UQCRC2: variants seen among roughly 807,000 people sequenced by gnomAD.
UQCRC2 encodes ubiquinol-cytochrome c reductase core protein 2, also known as cytochrome b-c1 complex subunit 2, mitochondrial.
A neutral mutation model predicts 55.6 loss-of-function variants in UQCRC2; 49 were observed. That is an observed-to-expected ratio of 0.88 (90% CI 0.70 to 1.12). The LOEUF (loss-of-function observed/expected upper bound fraction) is 1.12, where lower values mean the gene tolerates loss of function less well. Among genes scored for constraint, UQCRC2 ranks in the 50% most tolerant of loss-of-function variants. UQCRC2 has a pLI of 0.00. For missense variants in UQCRC2, 506 were observed against 547.8 expected, an observed-to-expected ratio of 0.92 and a Z score of 0.76; for synonymous variants, 193 against 192.0, an observed-to-expected ratio of 1.01 and a Z score of -0.04.
intron 11 of UQCRC2, among the ~76,000 whole-genome samples, 168 bp from the exon 12 acceptor site, chr16:21,975,999 T>C (rs991316234): frequency 1.3e-5 from 2 of 152,138 alleles, no homozygotes; most frequent in East Asian, 1.9e-4. Context: ...TTTATGAACA[T>C]AGGAAGAATA....
chr16:21,971,871 C>T lies in UQCRC2; in HGVS notation c.767-52C>T, dbSNP rs947927668. 4.4e-6 allele frequency: 7 copies of T among 1,606,442 alleles called. No homozygotes were observed. In the East Asian group the frequency reaches 1.6e-4, roughly 36 times the overall value. On this transcript the variant is annotated intron_variant, in intron 9 of 13. Coordinates refer to ENST00000268379, the MANE Select transcript of UQCRC2 (RefSeq NM_003366.4). ...TGTAGGAAATACTGGAGAATGAAAC[C>T]AATGGTGAACAAGCCATTTTCTTCT...
At chr16:21,964,257 A>G (rs1898272134) in intron 6 of UQCRC2, among the ~76,000 whole-genome samples, 1 of 152,188 alleles carries the variant, frequency 6.6e-6, no homozygotes, top group Non-Finnish European at 1.5e-5. Context: ...ATGTGTCCAG[A>G]GTGGCTTCTT....
At position 21,983,139 on chromosome 16, in the gene UQCRC2, T is replaced by A. The variant is rs1181042683; in HGVS notation, c.1330T>A (p.Leu444Met). 2 of 1,614,086 alleles carry A rather than the reference T, an allele frequency of 1.2e-6. No homozygotes were observed. Among genetic ancestry groups the A allele is most frequent in the Non-Finnish European group, 1.7e-6 (2 of 1,180,012 alleles). The change falls in exon 14 of 14, where the codon TTG (leucine) becomes ATG (methionine). Residue 444 changes from leucine (L) to methionine (M), a missense_variant. Coordinates refer to ENST00000268379, the MANE Select transcript of UQCRC2 (RefSeq NM_003366.4). ...GQKSMAASGN[L>M]GHTPFVDEL is the part of the protein sequence containing the mutation. ...GAAGTCAATGGCAGCAAGTGGAAAT[T>A]TGGGACATACACCTTTTGTTGATGA...
intron 3 of UQCRC2, 110 bp downstream of exon 3, chr16:21,957,676 A>G: frequency 6.9e-7 from 1 of 1,450,408 alleles, no homozygotes; most frequent in Non-Finnish European, 9.3e-7. Context: ...GACCTGCCAT[A>G]ACAAATTACC....
chr16:21,959,787 G>A (rs1898158540), intron 4 of UQCRC2: 1 of 152,208 alleles, frequency 6.6e-6, no homozygotes, highest in Admixed American at 6.5e-5. Context: ...GATCCATGGG[G>A]TGCAGAAGGG....
intron 12 of UQCRC2, among the ~76,000 whole-genome samples, chr16:21,978,502 T>A (rs1458491547): frequency 6.6e-6 from 1 of 152,214 alleles, no homozygotes; most frequent in Non-Finnish European, 1.5e-5. Flanking sequence ...TTACAAGACC[T>A]GTACTGCCCT....
chr16:21,962,505 G>GC lies in UQCRC2; in HGVS notation c.379dup (p.Arg127ProfsTer3). ...ACATGGCTTATACTGTGGAATGCCTGCGGGGTGATGTGTAAGTACCTGTGT... is the reference window on the plus strand; with the variant it reads ...ACATGGCTTATACTGTGGAATGCCTGCCGGGGTGATGTGTAAGTACCTGTGT... On this transcript the variant is annotated frameshift_variant, in exon 5 of 14. Transcript: ENST00000268379. LOFTEE classifies it high-confidence loss of function. 6.2e-7 allele frequency: 1 copy of GC among 1,614,176 alleles called. No homozygotes were observed. The highest frequency in any genetic ancestry group is 8.5e-7 in the Non-Finnish European group (1 of 1,180,020).
At position 21,983,165 on chromosome 16, in the gene UQCRC2, G is replaced by A; in HGVS notation, c.1356G>A (p.Glu452=). 8.1e-6 allele frequency: 13 copies of A among 1,613,910 alleles called. No individual in the cohort carries two copies. Among genetic ancestry groups the A allele is most frequent in the Non-Finnish European group, 1.1e-5 (13 of 1,179,882 alleles). Residue 452 remains glutamate (E), a synonymous_variant, in exon 14 of 14, where the codon GAG becomes GAA. Transcript: ENST00000268379. ...GNLGHTPFVD[E]L Reference sequence around the variant, plus strand: ...TGGGACATACACCTTTTGTTGATGAGTTGTAATACTGATGCACACATTACA... The same window carrying A: ...TGGGACATACACCTTTTGTTGATGAATTGTAATACTGATGCACACATTACA...
At chr16:21,976,571 A>C in intron 12 of UQCRC2, 1 of 226,424 alleles carries the variant, frequency 4.4e-6, no homozygotes, top group East Asian at 1.1e-4. Context: ...TAGTTTATTG[A>C]TCATGCATTT....
rs1333474775 is a variant in UQCRC2 at position 21,962,513 on chromosome 16, A to G, written c.386A>G (p.Asp129Gly). ...TATACTGTGGAATGCCTGCGGGGTG[A>G]TGTGTAAGTACCTGTGTGTGTTTAG... ...MAYTVECLRG[D>G]VDILMEFLLN... Residue 129 changes from aspartate (D) to glycine (G), a missense_variant, in exon 5 of 14, where the codon GAT becomes GGT. Physicochemically the swap from Asp to Gly is moderately conservative, Grantham distance 94 (BLOSUM62 -1). Transcript: ENST00000268379. 5.0e-6 allele frequency: 8 copies of G among 1,614,050 alleles called. No homozygotes were observed. Among genetic ancestry groups the G allele is most frequent in the South Asian group, 2.2e-5 (2 of 91,084 alleles).
At chr16:21,956,627 T>G (rs897289432) in intron 1 of UQCRC2, among the ~76,000 whole-genome samples, 1 of 152,148 alleles carries the variant, frequency 6.6e-6, no homozygotes, top group African/African-American at 2.4e-5. Context: ...CATGAAACTT[T>G]TATAAGGTAA....
intron 11 of UQCRC2, among the ~76,000 whole-genome samples, chr16:21,975,710 A>C (rs1001165821): frequency 1.3e-5 from 2 of 152,162 alleles, no homozygotes; most frequent in Non-Finnish European, 2.9e-5. Flanking sequence ...TTCTTAGTGA[A>C]TAGTAAGAGA....
At chr16:21,955,355 A>G (rs1898071211) in intron 1 of UQCRC2, among the ~76,000 whole-genome samples, 2 of 152,228 alleles carry the variant, frequency 1.3e-5, no homozygotes, top group Admixed American at 6.5e-5. Flanking sequence ...TACAGCACTA[A>G]TGATGTACAA....
chr16:21,953,926 C>A (rs768209967), intron 1 of UQCRC2, among the ~76,000 whole-genome samples: 1 of 152,192 alleles, frequency 6.6e-6, no homozygotes, highest in South Asian at 2.1e-4. Context: ...GTACCTGGAA[C>A]TTCATTGTTA....
chr16:21,978,881 AG>A (rs1242520932), intron 12 of UQCRC2, among the ~76,000 whole-genome samples: 1 of 152,218 alleles, frequency 6.6e-6, no homozygotes, highest in Non-Finnish European at 1.5e-5. Flanking sequence ...GAAAACAAAC[AG>A]GCCCTAAAAG....
At chr16:21,966,768 T>C (rs1418855081) in intron 7 of UQCRC2, among the ~76,000 whole-genome samples, 1 of 152,200 alleles carries the variant, frequency 6.6e-6, no homozygotes, top group African/African-American at 2.4e-5. Context: ...TTCACCCTCA[T>C]GAAGATGTGT....
chr16:21,976,823 C>T (rs1278391722), intron 12 of UQCRC2: 2 of 152,108 alleles, frequency 1.3e-5, no homozygotes, highest in Admixed American at 6.5e-5. Context: ...CAAAAATGAT[C>T]TCTGATTTCC....
At chr16:21,962,348 C>G (rs997890587) in intron 4 of UQCRC2, 112 bp from the exon 5 acceptor site, 3 of 1,304,610 alleles carry the variant, frequency 2.3e-6, no homozygotes, top group South Asian at 1.3e-5. Context: ...ATTGTTCGCA[C>G]CTTTTATACT....
In UQCRC2 at chr16:21,983,124, G is replaced by T; in HGVS notation, c.1315G>T (p.Ala439Ser). The change falls in exon 14 of 14, where the codon GCA (alanine) becomes TCA (serine). Residue 439 changes from alanine (A) to serine (S), a missense_variant. Physicochemically the swap from Ala to Ser is moderately conservative, Grantham distance 99. Coordinates refer to ENST00000268379, the MANE Select transcript of UQCRC2 (RefSeq NM_003366.4). ...KKFVSGQKSM[A>S]ASGNLGHTPF... ...GTTTGTTTCTGGCCAGAAGTCAATGGCAGCAAGTGGAAATTTGGGACATAC... is the reference window on the plus strand; with the variant it reads ...GTTTGTTTCTGGCCAGAAGTCAATGTCAGCAAGTGGAAATTTGGGACATAC... 6.2e-7 allele frequency: 1 copy of T among 1,614,104 alleles called. No individual in the cohort carries two copies. Among genetic ancestry groups the T allele is most frequent in the Non-Finnish European group, 8.5e-7 (1 of 1,180,016 alleles).
Sources: gnomAD v4.1 joint callset for allele counts (sites outside exome capture counted in the v4.1 genomes callset) on GRCh38, gnomAD v4.1.1 for gene constraint, MANE v1.5 for transcripts, NCBI Gene and HGNC (gene_info 2026-07-23, HGNC 2026-07-21) for gene names.